The following CNTNAP2 variants were observed in gnomAD, a reference collection of about 807,000 sequenced individuals.
CNTNAP2 encodes the protein contactin-associated protein-like 2.
In CNTNAP2, 98 loss-of-function variants were observed where a neutral mutation model predicts 155.2. The ratio of observed to expected loss-of-function variants is 0.63; its 90% CI spans 0.54 to 0.75. The LOEUF is 0.75. CNTNAP2 is among the 30% of genes least tolerant of loss of function. The probability of loss-of-function intolerance (pLI) is 0.00; values close to 1 mark genes in which losing one functional copy is unlikely to be tolerated. For missense variants in CNTNAP2, 1,727 were observed against 1,688.1 expected, an observed-to-expected ratio of 1.02 and a Z score of -0.40; for synonymous variants, 651 against 631.2, an observed-to-expected ratio of 1.03 and a Z score of -0.47.
intron 1 of CNTNAP2, among the ~76,000 whole-genome samples, chr7:146,125,865 T>C (rs1478758039): frequency 6.6e-6 from 1 of 152,170 alleles, no homozygotes; most frequent in Non-Finnish European, 1.5e-5. Context: ...CAATTTACAT[T>C]TTCAGCATCA....
chr7:146,980,388 G>C (rs1246200770), intron 3 of CNTNAP2, among the ~76,000 whole-genome samples: 1 of 152,212 alleles, frequency 6.6e-6, no homozygotes, highest in Non-Finnish European at 1.5e-5. Context: ...GGTTTGCCCA[G>C]TGGAAGGTTG....
intron 13 of CNTNAP2, among the ~76,000 whole-genome samples, chr7:147,820,831 G>T (rs1302594717): frequency 6.6e-6 from 1 of 151,962 alleles, no homozygotes; most frequent in East Asian, 1.9e-4. Context: ...ATAGCTGTGG[G>T]TTATTTCTAG....
chr7:147,223,953 A>AAAAG (rs1272823856), intron 8 of CNTNAP2, among the ~76,000 whole-genome samples: 5 of 151,440 alleles, frequency 3.3e-5, no homozygotes, highest in African/African-American at 9.7e-5. Flanking sequence ...AAAAAAAAAA[A>AAAAG]AAAGAAAGAA....
At chr7:147,913,489 T>G (rs746585016) in intron 14 of CNTNAP2, among the ~76,000 whole-genome samples, 1 of 152,140 alleles carries the variant, frequency 6.6e-6, no homozygotes, top group Admixed American at 6.6e-5. Flanking sequence ...CAAATGGTTT[T>G]TACAGCTTCA....
chr7:148,163,453 T>C (rs1457114557), intron 17 of CNTNAP2, among the ~76,000 whole-genome samples: 1 of 152,172 alleles, frequency 6.6e-6, no homozygotes, highest in Non-Finnish European at 1.5e-5. Context: ...TCCACCCCCA[T>C]TGCATAACAT....
intron 2 of CNTNAP2, among the ~76,000 whole-genome samples, chr7:146,808,658 A>G (rs1466794009): frequency 2.0e-5 from 3 of 152,246 alleles, no homozygotes; most frequent in Non-Finnish European, 4.4e-5. Context: ...CATTAGATTC[A>G]GACTTGTTAA....
intron 3 of CNTNAP2, among the ~76,000 whole-genome samples, chr7:146,912,253 A>G (rs1796298915): frequency 6.7e-6 from 1 of 150,250 alleles, no homozygotes; most frequent in South Asian, 2.1e-4. Context: ...AGGTGCTTCT[A>G]AAGCATTAAA....
intron 20 of CNTNAP2, among the ~76,000 whole-genome samples, chr7:148,265,951 C>A (rs939935508): frequency 2.6e-5 from 4 of 152,196 alleles, no homozygotes; most frequent in Admixed American, 2.6e-4. Flanking sequence ...AAGAGCACAG[C>A]TAGCTTCCAG....
chr7:147,253,265 T>C (rs546505301), intron 8 of CNTNAP2, among the ~76,000 whole-genome samples: 1 of 152,188 alleles, frequency 6.6e-6, no homozygotes, highest in African/African-American at 2.4e-5. Flanking sequence ...TTCTGGAATC[T>C]AATATAGAAA....
chr7:146,791,934 C>T (rs570666930), intron 2 of CNTNAP2, among the ~76,000 whole-genome samples: 12 of 152,280 alleles, frequency 7.9e-5, no homozygotes, highest in African/African-American at 2.9e-4. Context: ...ATCCCCCCTA[C>T]TATTTTTTTC....
chr7:146,969,746 C>T (rs561980337), intron 3 of CNTNAP2, among the ~76,000 whole-genome samples: 34 of 152,042 alleles, frequency 2.2e-4, no homozygotes, highest in African/African-American at 5.8e-4. Flanking sequence ...GAGCCTGCAT[C>T]GCCAAGTCAA....
At chr7:148,142,772 T>TGGTATTG in intron 16 of CNTNAP2, among the ~76,000 whole-genome samples, 1 of 152,344 alleles carries the variant, frequency 6.6e-6, no homozygotes, top group South Asian at 2.1e-4. Flanking sequence ...ATTGGTCAGT[T>TGGTATTG]GTTAAATTTA....
At chr7:146,236,623 T>C (rs1396788972) in intron 1 of CNTNAP2, among the ~76,000 whole-genome samples, 1 of 152,194 alleles carries the variant, frequency 6.6e-6, no homozygotes, top group African/African-American at 2.4e-5. Context: ...GGTTTTCTTT[T>C]TAATATAGAC....
chr7:146,497,430 A>G (rs1027454287), intron 1 of CNTNAP2, among the ~76,000 whole-genome samples: 2 of 152,152 alleles, frequency 1.3e-5, no homozygotes, highest in Non-Finnish European at 2.9e-5. Flanking sequence ...TAAATAAGTC[A>G]TATTTTAATA....
At chr7:147,610,686 G>A (rs1006920651) in intron 12 of CNTNAP2, among the ~76,000 whole-genome samples, 11 of 152,156 alleles carry the variant, frequency 7.2e-5, no homozygotes, top group Non-Finnish European at 1.3e-4. Flanking sequence ...CTTCTAGTCA[G>A]AGGAAACAGC....
At chr7:146,636,927 G>T (rs184062126) in intron 1 of CNTNAP2, among the ~76,000 whole-genome samples, 1 of 152,284 alleles carries the variant, frequency 6.6e-6, no homozygotes, top group East Asian at 1.9e-4. Flanking sequence ...TACAGTCATT[G>T]CCAGAGGCAT....
At chr7:146,844,900 T>C (rs1456859660) in intron 3 of CNTNAP2, among the ~76,000 whole-genome samples, 1 of 152,166 alleles carries the variant, frequency 6.6e-6, no homozygotes, top group African/African-American at 2.4e-5. Flanking sequence ...CCACTGCATC[T>C]ATTAAATGGA....
chr7:147,577,504 T>G (rs528387627), intron 12 of CNTNAP2, among the ~76,000 whole-genome samples: 1 of 151,970 alleles, frequency 6.6e-6, no homozygotes, highest in South Asian at 2.1e-4. Context: ...CACTCCTATC[T>G]GTAGCCCCCA....
intron 14 of CNTNAP2, among the ~76,000 whole-genome samples, chr7:147,905,785 G>A (rs1441762067): frequency 6.6e-6 from 1 of 152,158 alleles, no homozygotes; most frequent in Non-Finnish European, 1.5e-5. Flanking sequence ...TCGGGAGGCT[G>A]AGGCAGGAGA....
Sources: allele counts gnomAD v4.1 joint callset (sites outside exome capture counted in the v4.1 genomes callset), GRCh38; gene constraint gnomAD v4.1.1; transcripts MANE v1.5; gene names NCBI Gene and HGNC (gene_info 2026-07-23, HGNC 2026-07-21).